TRMT9B: variants seen among roughly 807,000 people sequenced by gnomAD.
TRMT9B encodes probable tRNA methyltransferase 9B.
In TRMT9B, 16 loss-of-function variants were observed where a neutral mutation model predicts 11.5. The observed-to-expected ratio is 1.39, with a 90% CI of 0.94 to 2.11. The LOEUF (loss-of-function observed/expected upper bound fraction) is 2.11, where lower values mean the gene tolerates loss of function less well. TRMT9B is among the 30% of genes most tolerant of loss of function. The pLI, the probability that TRMT9B is intolerant of heterozygous loss-of-function variation, is 0.00. For missense variants in TRMT9B, 941 were observed against 553.8 expected (o/e 1.70, Z -7.02); for synonymous variants, 274 against 192.4 (o/e 1.42, Z -3.51).
chr8:13,005,329 A>G lies in TRMT9B; in HGVS notation c.-1-873A>G, dbSNP rs558508528. The stretch of plus-strand genomic sequence containing the variant: ...AGGTGGGAGGGAAGTGGAGATTGTT[A>G]ATGGGTACAAAAAACAGAATAAGAC... On this transcript the variant is annotated intron_variant, in intron 2 of 4. Coordinates refer to ENST00000524591, the MANE Select transcript of TRMT9B (RefSeq NM_020844.3). Among the ~76,000 whole-genome samples the G allele has an allele frequency of 2.6e-5, 4 of 152,258 alleles. No homozygotes were observed. The East Asian group carries it at 5.8e-4, about 22-fold the overall frequency.
In TRMT9B at chr8:13,024,788, T is replaced by G. The variant is rs146692991; in HGVS notation, c.*2744T>G. The G allele has an allele frequency of 1.2e-5, 2 of 167,136 alleles. No individual in the cohort carries two copies. The highest frequency in any genetic ancestry group is 3.9e-4 in the East Asian group (2 of 5,192). The allele number at this position is 167,136 out of a possible 1,614,324, so 10.4% of individuals were successfully genotyped here. ...TCTTTTACTCTTCATCTAATGAACA[T>G]AAGAATCTATGCATCCAGATATTAT... is the stretch of plus-strand genomic sequence containing the variant. On this transcript the variant is annotated 3_prime_UTR_variant, in exon 5 of 5. Transcript: ENST00000524591.
intron 3 of TRMT9B, chr8:13,010,201 C>A: frequency 1.2e-6 from 1 of 848,006 alleles, no homozygotes; most frequent in Non-Finnish European, 1.4e-6. Flanking sequence ...TCAACAACTA[C>A]ATCTATAGTA....
At chr8:12,960,913 T>G (rs1054742547) in intron 1 of TRMT9B, among the ~76,000 whole-genome samples, 24 of 152,108 alleles carry the variant, frequency 1.6e-4, no homozygotes, top group Admixed American at 7.2e-4. Context: ...GAGGCCAAAG[T>G]GGGTGGATCA....
chr8:13,010,157 CA>C (rs1481812747), intron 3 of TRMT9B: 1 of 707,184 alleles, frequency 1.4e-6, no homozygotes, highest in East Asian at 1.3e-4. Flanking sequence ...AAAAAAGTCT[CA>C]CAAATAATAT....
chr8:12,998,762 C>T (rs776907580), intron 2 of TRMT9B, among the ~76,000 whole-genome samples: 1 of 152,234 alleles, frequency 6.6e-6, no homozygotes, highest in South Asian at 2.1e-4. Context: ...AGTAGAAAAA[C>T]CTTTTCCCTG....
intron 3 of TRMT9B, chr8:13,006,701 T>C: frequency 7.8e-7 from 1 of 1,287,942 alleles, no homozygotes; most frequent in Non-Finnish European, 9.9e-7. Flanking sequence ...GGAGTTTCAC[T>C]CTTGTCAACC....
intron 1 of TRMT9B, among the ~76,000 whole-genome samples, chr8:12,988,183 C>T (rs115318426): frequency 0.014 from 2,111 of 152,170 alleles, 36 homozygotes; most frequent in African/African-American, 0.049. Flanking sequence ...TTTGAACTTC[C>T]GTTTAGGTGT....
rs760844128 is a variant in TRMT9B at position 13,012,728 on chromosome 8, A to G, written c.199A>G (p.Thr67Ala). ...TCTTAAAGTGAACAGCCAGGTACAT[A>G]CCGTGGGCTGTGACTACTGTGGGCC... ...KYLKVNSQVH[T>A]VGCDYCGPLV... Residue 67 changes from threonine (T) to alanine (A), a missense_variant, in exon 4 of 5, where the codon ACC (threonine) becomes GCC (alanine). Thr to Ala is a moderately conservative substitution (Grantham distance 58). Coordinates refer to ENST00000524591, the MANE Select transcript of TRMT9B (RefSeq NM_020844.3). The G allele has an allele frequency of 7.4e-6, 12 of 1,613,888 alleles. No individual in the cohort carries two copies. Among genetic ancestry groups the G allele is most frequent in the African/African-American group, 1.3e-5 (1 of 74,934 alleles).
chr8:13,025,797 G>C lies in TRMT9B; in HGVS notation c.*3753G>C, dbSNP rs1814621902. 6.0e-6 allele frequency: 1 copy of C among 166,888 alleles called. No homozygotes were observed. 10.3% of individuals were successfully genotyped at this position (166,888 alleles called of 1,614,324 possible). A position where few individuals can be genotyped will look rare whatever the true frequency, so the allele number is the denominator to read the frequency against. On this transcript the variant is annotated 3_prime_UTR_variant, in exon 5 of 5. Transcript: ENST00000524591. ...TTTTCTCATCATAGATCTCCGTGCA[G>C]AATAGTGCTAATTCTTATTTCTCGT...
chr8:12,952,293 G>T (rs966420756), intron 1 of TRMT9B: 3 of 382,942 alleles, frequency 7.8e-6, no homozygotes, highest in South Asian at 5.2e-5. Flanking sequence ...CGCCCGCAGG[G>T]AGGAGGGGGC....
In TRMT9B at chr8:12,955,192, A is replaced by G. The variant is rs150580160; in HGVS notation, c.-200+9226A>G. Among the ~76,000 whole-genome samples the G allele has an allele frequency of 2.2e-3, 337 of 152,320 alleles. 1 individual carries two copies. Among genetic ancestry groups the G allele is most frequent in the African/African-American group, 7.8e-3 (325 of 41,568 alleles). Reference sequence around the variant, plus strand: ...AGTATACTCCTATAGCATAGAGTATAGAATATGCTGTACTCTTAGTAATCA... The same window carrying G: ...AGTATACTCCTATAGCATAGAGTATGGAATATGCTGTACTCTTAGTAATCA... On this transcript the variant is annotated intron_variant, in intron 1 of 4. Coordinates refer to ENST00000524591, the MANE Select transcript of TRMT9B (RefSeq NM_020844.3).
intron 1 of TRMT9B, among the ~76,000 whole-genome samples, chr8:12,987,367 C>T (rs984715820): frequency 2.0e-5 from 3 of 152,102 alleles, no homozygotes; most frequent in African/African-American, 7.2e-5. Flanking sequence ...TCCCAATAAA[C>T]CCATTATAAG....
At chr8:12,989,722 C>T (rs183807139) in intron 1 of TRMT9B, among the ~76,000 whole-genome samples, 1 of 152,326 alleles carries the variant, frequency 6.6e-6, no homozygotes, top group Non-Finnish European at 1.5e-5. Flanking sequence ...TAGCTTTACC[C>T]TGTCATAGGG....
In TRMT9B at chr8:13,021,706, A is replaced by C. The variant is rs774313916; in HGVS notation, c.1027A>C (p.Arg343=). The stretch of plus-strand genomic sequence containing the variant: ...TGGAGACCATCAAGGGGAAATGAGG[A>C]GAAATGGAGGGGGAAATTTTCTGGA... ...LNGDHQGEMR[R]NGGGNFLDST... The change falls in exon 5 of 5, where the codon AGA becomes CGA. Residue 343 remains arginine (R), a synonymous_variant. Transcript: ENST00000524591. 1.2e-6 allele frequency: 2 copies of C among 1,613,974 alleles called. No homozygotes were observed. Among genetic ancestry groups the C allele is most frequent in the Non-Finnish European group, 1.7e-6 (2 of 1,179,886 alleles).
chr8:12,979,620 T>C (rs1452584513), intron 1 of TRMT9B, among the ~76,000 whole-genome samples: 2 of 152,224 alleles, frequency 1.3e-5, no homozygotes, highest in African/African-American at 2.4e-5. Context: ...CTTGCCCTAC[T>C]TGGGTACCTA....
At chr8:12,970,247 A>T (rs994642653) in intron 1 of TRMT9B, 1 of 152,222 alleles carries the variant, frequency 6.6e-6, no homozygotes, top group Non-Finnish European at 1.5e-5. Context: ...TATTAAACAG[A>T]CCAGTGCCTT....
At chr8:13,005,312 G>C (rs550352908) in intron 2 of TRMT9B, among the ~76,000 whole-genome samples, 1 of 152,106 alleles carries the variant, frequency 6.6e-6, no homozygotes, top group Non-Finnish European at 1.5e-5. Context: ...GGAGGTGGGA[G>C]GGAAGTGGAG....
At chr8:12,962,584 G>C (rs973888806) in intron 1 of TRMT9B, among the ~76,000 whole-genome samples, 3 of 152,054 alleles carry the variant, frequency 2.0e-5, no homozygotes, top group Non-Finnish European at 2.9e-5. Context: ...TCTGCCTCCT[G>C]GGTTCAAGCG....
intron 1 of TRMT9B, among the ~76,000 whole-genome samples, chr8:12,946,744 G>C (rs939221893): frequency 2.0e-5 from 3 of 152,208 alleles, no homozygotes; most frequent in African/African-American, 7.2e-5. Flanking sequence ...ACAGGTGCTT[G>C]AGAAATGATG....
Sources: gnomAD v4.1 joint callset for allele counts (sites outside exome capture counted in the v4.1 genomes callset) on GRCh38, gnomAD v4.1.1 for gene constraint, MANE v1.5 for transcripts, NCBI Gene and HGNC (gene_info 2026-07-23, HGNC 2026-07-21) for gene names.